ANO10: variants seen among roughly 807,000 people sequenced by gnomAD.
ANO10 encodes anoctamin 10.
ANO10 carries 77 observed loss-of-function variants against 74.7 expected under a neutral mutation model. The observed-to-expected ratio is 1.03, with a 90% CI of 0.86 to 1.25. The LOEUF is 1.25. Ranked by LOEUF, ANO10 falls within the 50% of genes most tolerant of loss-of-function variation. The pLI, the probability that ANO10 is intolerant of heterozygous loss-of-function variation, is 0.00. For synonymous variants in ANO10, 279 were observed against 284.9 expected, an observed-to-expected ratio of 0.98 and a Z score of 0.21; for missense variants, 721 against 778.1, an observed-to-expected ratio of 0.93 and a Z score of 0.87.
At chr3:43,508,383 T>C (rs1297007706) in intron 11 of ANO10, among the ~76,000 whole-genome samples, 1 of 152,202 alleles carries the variant, frequency 6.6e-6, no homozygotes, top group Non-Finnish European at 1.5e-5. Flanking sequence ...GAAGACAGTG[T>C]GGTGATTCCT....
intron 4 of ANO10, among the ~76,000 whole-genome samples, chr3:43,594,735 T>C (rs1254313494): frequency 6.6e-6 from 1 of 152,100 alleles, no homozygotes; most frequent in Non-Finnish European, 1.5e-5. Context: ...ATGCAAAAGC[T>C]AGCAGAAGGC....
At chr3:43,482,988 TGGATC>T (rs567464826) in intron 11 of ANO10, among the ~76,000 whole-genome samples, 5 of 152,154 alleles carry the variant, frequency 3.3e-5, no homozygotes, top group Admixed American at 1.3e-4. Flanking sequence ...AAAAAGGCCA[TGGATC>T]GTAAAGAAAG....
chr3:43,539,927 T>G (rs1176427659), intron 11 of ANO10, among the ~76,000 whole-genome samples: 1 of 152,218 alleles, frequency 6.6e-6, no homozygotes. Context: ...CAGGTTAGGT[T>G]ACCCACTGTA....
chr3:43,607,392 G>A (rs185022941), intron 1 of ANO10, among the ~76,000 whole-genome samples: 5 of 151,978 alleles, frequency 3.3e-5, no homozygotes, highest in Admixed American at 3.3e-4. Flanking sequence ...GGAAATAATG[G>A]AGTCCAGAAA....
chr3:43,418,632 G>A (rs2092776930), intron 12 of ANO10, among the ~76,000 whole-genome samples: 1 of 152,132 alleles, frequency 6.6e-6, no homozygotes, highest in Non-Finnish European at 1.5e-5. Context: ...TTGATGCATT[G>A]GTTATCTATT....
rs2092486239 is a variant in ANO10, at chr3:43,401,804, A to G, written c.1914+30807T>C. On this transcript the variant is annotated intron_variant, in intron 12 of 12. Coordinates refer to ENST00000292246, the MANE Select transcript of ANO10 (RefSeq NM_018075.5). ...CTCACTTTCCCCTGGCATTCTTTGG[A>G]GCATCCAAAAGCCATCACATTTTTA... Among the ~76,000 whole-genome samples the G allele has an allele frequency of 1.3e-5, 2 of 152,220 alleles. 1 individual carries two copies. The highest frequency in any genetic ancestry group is 4.1e-4 in the South Asian group (2 of 4,828).
intron 11 of ANO10, among the ~76,000 whole-genome samples, chr3:43,471,323 A>C (rs1403626258): frequency 6.6e-6 from 1 of 152,222 alleles, no homozygotes; most frequent in Non-Finnish European, 1.5e-5. Context: ...GCCATAAAAT[A>C]TCTCTTATTT....
intron 1 of ANO10, among the ~76,000 whole-genome samples, chr3:43,643,980 A>G (rs553850750): frequency 1.3e-5 from 2 of 152,032 alleles, no homozygotes; most frequent in Non-Finnish European, 2.9e-5. Context: ...CACCGCTGAG[A>G]TAACTTGAAA....
intron 12 of ANO10, among the ~76,000 whole-genome samples, chr3:43,371,245 C>G (rs1416301687): frequency 6.6e-6 from 1 of 152,126 alleles, no homozygotes; most frequent in Non-Finnish European, 1.5e-5. Context: ...TCCCATGCGT[C>G]ATCAGTTACT....
intron 6 of ANO10, among the ~76,000 whole-genome samples, chr3:43,576,394 G>A (rs1350357362): frequency 1.3e-5 from 2 of 152,168 alleles, no homozygotes; most frequent in African/African-American, 4.8e-5. Flanking sequence ...ATCCATAAAA[G>A]GGTGAAATAA....
intron 1 of ANO10, among the ~76,000 whole-genome samples, chr3:43,667,965 T>C (rs998317911): frequency 2.6e-5 from 4 of 152,172 alleles, no homozygotes; most frequent in Admixed American, 2.0e-4. Flanking sequence ...AGTAGTGGGA[T>C]TGCTAGATCA....
At chr3:43,597,404 C>T (rs913936743) in intron 4 of ANO10, among the ~76,000 whole-genome samples, 10 of 152,154 alleles carry the variant, frequency 6.6e-5, no homozygotes, top group African/African-American at 2.2e-4. Flanking sequence ...AAATGTGGCA[C>T]ATATACACCA....
Position 43,564,590 on chromosome 3 carries a change from A to T in ANO10, c.1293+1063T>A, listed in dbSNP as rs575904745. Among the ~76,000 whole-genome samples, 5 of 152,278 alleles carry T rather than the reference A, an allele frequency of 3.3e-5. No individual in the cohort carries two copies. In the East Asian group the frequency reaches 9.6e-4, roughly 29 times the overall value. On this transcript the variant is annotated intron_variant, in intron 8 of 12. Transcript: ENST00000292246. ...TTTGAGCATTTTCCCGTATCATTAA[A>T]AATTCTTTTTTACTTGGCCTGTACA...
chr3:43,607,549 C>G (rs2082621922), intron 1 of ANO10, among the ~76,000 whole-genome samples: 1 of 152,102 alleles, frequency 6.6e-6, no homozygotes, highest in Non-Finnish European at 1.5e-5. Flanking sequence ...AAAATCCCCA[C>G]TTTGAACTGG....
At chr3:43,623,648 C>T (rs1446764700), upstream of ANO10, among the ~76,000 whole-genome samples, 1 of 152,184 alleles carries the variant, frequency 6.6e-6, no homozygotes, top group African/African-American at 2.4e-5. Context: ...TCTTTACTCC[C>T]CACCCTTCTC....
intron 4 of ANO10, among the ~76,000 whole-genome samples, chr3:43,591,056 T>A (rs1220930723): frequency 2.6e-5 from 4 of 152,192 alleles, no homozygotes; most frequent in Non-Finnish European, 5.9e-5. Flanking sequence ...CCCAGGCATT[T>A]GAGCAGGGAG....
At chr3:43,456,657 A>G (rs559042638) in intron 11 of ANO10, among the ~76,000 whole-genome samples, 10 of 151,816 alleles carry the variant, frequency 6.6e-5, no homozygotes, top group African/African-American at 2.4e-4. Flanking sequence ...ACACACACAA[A>G]CACCATAATT....
intron 1 of ANO10, among the ~76,000 whole-genome samples, chr3:43,633,938 G>A (rs539945260): frequency 2.5e-4 from 37 of 145,632 alleles, no homozygotes; most frequent in African/African-American, 9.2e-4. Context: ...CTTTTCAAGG[G>A]ACTGTTAGCA....
intron 1 of ANO10, among the ~76,000 whole-genome samples, chr3:43,684,021 C>A (rs868479652): frequency 1.3e-5 from 2 of 152,232 alleles, no homozygotes; most frequent in Middle Eastern, 3.4e-3. Flanking sequence ...TAGTCATGGA[C>A]AAGGACTTCA....
Sources: allele counts gnomAD v4.1 joint callset (sites outside exome capture counted in the v4.1 genomes callset), GRCh38; gene constraint gnomAD v4.1.1; transcripts MANE v1.5; gene names NCBI Gene and HGNC (gene_info 2026-07-23, HGNC 2026-07-21).